SLC9A9: variants seen among roughly 807,000 people sequenced by gnomAD.
SLC9A9 encodes sodium/hydrogen exchanger 9.
A neutral mutation model predicts 77.8 loss-of-function variants in SLC9A9; 62 were observed. That is an observed-to-expected ratio of 0.80 (90% CI 0.65 to 0.98). SLC9A9 has a LOEUF of 0.98. Among genes scored for constraint, SLC9A9 ranks in the 50% least tolerant of loss-of-function variants. SLC9A9 has a pLI of 0.00. For missense variants in SLC9A9, 775 were observed against 774.9 expected (o/e 1.00, Z 0.00); for synonymous variants, 320 against 283.5 (o/e 1.13, Z -1.29).
chr3:143,279,530 A>G (rs1042912717), intron 14 of SLC9A9, among the ~76,000 whole-genome samples: 5 of 152,178 alleles, frequency 3.3e-5, no homozygotes, highest in African/African-American at 9.7e-5. Context: ...CGTTATCTAC[A>G]TTAGGTATTT....
chr3:143,832,690 G>A (rs1332242750), intron 1 of SLC9A9, among the ~76,000 whole-genome samples: 1 of 150,908 alleles, frequency 6.6e-6, no homozygotes, highest in Admixed American at 6.6e-5. Context: ...TCTCTCTCAG[G>A]ACATGACTAA....
rs1576548431 is a variant in SLC9A9 at position 143,517,002 on chromosome 3, T to G, written c.1090-21554A>C. On this transcript the variant is annotated intron_variant, in intron 9 of 15. Coordinates refer to ENST00000316549, the MANE Select transcript of SLC9A9 (RefSeq NM_173653.4). ...TTAATTTGTAGTCCCTGATTAATAG[T>G]GAGTTTGAGCAATTTCTGTTTATTG... 3 of 675,904 alleles carry G rather than the reference T, an allele frequency of 4.4e-6. No homozygotes were observed. The Admixed American group carries it at 7.2e-5, about 16-fold the overall frequency. 41.9% of individuals were successfully genotyped at this position (675,904 alleles called of 1,614,324 possible).
intron 2 of SLC9A9, among the ~76,000 whole-genome samples, chr3:143,816,950 A>G (rs2009033542): frequency 6.6e-6 from 1 of 152,072 alleles, no homozygotes; most frequent in Non-Finnish European, 1.5e-5. Context: ...CTCTTTAGTG[A>G]ATTTTCTGAT....
intron 4 of SLC9A9, among the ~76,000 whole-genome samples, chr3:143,711,613 A>G (rs1163783439): frequency 6.7e-6 from 1 of 149,896 alleles, no homozygotes; most frequent in Non-Finnish European, 1.5e-5. Flanking sequence ...AAGAGGACTC[A>G]GCATCTTGCC....
At chr3:143,740,814 T>A (rs1935056833) in intron 4 of SLC9A9, among the ~76,000 whole-genome samples, 1 of 152,232 alleles carries the variant, frequency 6.6e-6, no homozygotes, top group South Asian at 2.1e-4. Flanking sequence ...TTAAGTACTG[T>A]ACTGTAGTTG....
intron 4 of SLC9A9, among the ~76,000 whole-genome samples, chr3:143,721,104 GC>G (rs1576681101): frequency 6.6e-6 from 1 of 152,168 alleles, no homozygotes; most frequent in East Asian, 1.9e-4. Flanking sequence ...TGTAGTCCCA[GC>G]TGCTTGGGAG....
intron 6 of SLC9A9, among the ~76,000 whole-genome samples, chr3:143,611,653 G>T (rs1042506221): frequency 6.6e-6 from 1 of 152,110 alleles, no homozygotes; most frequent in African/African-American, 2.4e-5. Flanking sequence ...AAAATAATAG[G>T]TAGACTCAGA....
chr3:143,433,487 A>T (rs1226025844), intron 12 of SLC9A9, among the ~76,000 whole-genome samples: 4 of 152,208 alleles, frequency 2.6e-5, no homozygotes, highest in Non-Finnish European at 4.4e-5. Context: ...AGTAGAAATT[A>T]TCCAATTTCT....
intron 6 of SLC9A9, among the ~76,000 whole-genome samples, chr3:143,645,903 CT>C (rs1437314249): frequency 1.3e-5 from 2 of 151,880 alleles, no homozygotes; most frequent in African/African-American, 4.8e-5. Context: ...TATTTTATCT[CT>C]AAGAAAACCT....
rs184864503 is a variant in SLC9A9 at position 143,474,592 on chromosome 3, G to T, written c.1316-7402C>A. 2.6e-5 allele frequency among the ~76,000 whole-genome samples: 4 copies of T among 152,080 alleles called. No individual in the cohort carries two copies. The East Asian group carries it at 7.8e-4, about 30-fold the overall frequency. ...CTGGAAGAATTGGGGAAGCCCAGGG[G>T]AAGAGCATGTCTGGGTGTATAAGGG... On this transcript the variant is annotated intron_variant, in intron 11 of 15. Transcript: ENST00000316549.
intron 4 of SLC9A9, among the ~76,000 whole-genome samples, chr3:143,787,606 C>G (rs1362156685): frequency 1.3e-5 from 2 of 152,198 alleles, no homozygotes; most frequent in East Asian, 3.9e-4. Context: ...TGAAATTTAT[C>G]CATGTCATCA....
intron 14 of SLC9A9, among the ~76,000 whole-genome samples, chr3:143,316,050 T>G (rs2031199184): frequency 6.6e-6 from 1 of 152,192 alleles, no homozygotes; most frequent in Non-Finnish European, 1.5e-5. Context: ...GCAGACAAGT[T>G]GTATTATAGT....
chr3:143,479,959 T>A (rs2035546843), intron 11 of SLC9A9, among the ~76,000 whole-genome samples: 2 of 152,238 alleles, frequency 1.3e-5, no homozygotes, highest in Non-Finnish European at 2.9e-5. Flanking sequence ...ATTGTGAGTA[T>A]CTCCTAGGTG....
chr3:143,415,084 G>A (rs373206539), intron 12 of SLC9A9, among the ~76,000 whole-genome samples: 1 of 152,232 alleles, frequency 6.6e-6, no homozygotes, highest in Non-Finnish European at 1.5e-5. Context: ...CCAGAGGGGG[G>A]CCCTAACTCT....
At chr3:143,549,166 A>C (rs1364856489) in intron 9 of SLC9A9, among the ~76,000 whole-genome samples, 1 of 152,192 alleles carries the variant, frequency 6.6e-6, no homozygotes, top group East Asian at 1.9e-4. Context: ...TCTTTAGTAC[A>C]TGCCTCAGCA....
chr3:143,804,973 G>C (rs1447573656), intron 2 of SLC9A9, among the ~76,000 whole-genome samples: 1 of 152,068 alleles, frequency 6.6e-6, no homozygotes, highest in Non-Finnish European at 1.5e-5. Context: ...GGAGGACTCT[G>C]TATATTTTTA....
At chr3:143,668,367 A>C (rs930927537) in intron 5 of SLC9A9, among the ~76,000 whole-genome samples, 1 of 150,682 alleles carries the variant, frequency 6.6e-6, no homozygotes, top group African/African-American at 2.4e-5. Context: ...GCATTAGGAG[A>C]TATACCTAAT....
intron 14 of SLC9A9, among the ~76,000 whole-genome samples, chr3:143,307,148 A>G (rs971349297): frequency 2.6e-5 from 4 of 152,212 alleles, no homozygotes; most frequent in Admixed American, 2.0e-4. Flanking sequence ...ATGATGTACA[A>G]CTCATCCCAA....
intron 6 of SLC9A9, among the ~76,000 whole-genome samples, chr3:143,583,665 T>C (rs1360771270): frequency 6.6e-6 from 1 of 152,216 alleles, no homozygotes; most frequent in African/African-American, 2.4e-5. Context: ...TGGGTTGCTA[T>C]GAGAATTAAA....
Sources: gnomAD v4.1 joint callset for allele counts (sites outside exome capture counted in the v4.1 genomes callset) on GRCh38, gnomAD v4.1.1 for gene constraint, MANE v1.5 for transcripts, NCBI Gene and HGNC (gene_info 2026-07-23, HGNC 2026-07-21) for gene names.